Variants in TESK2 observed in about 807,000 individuals in gnomAD.
TESK2 encodes testis associated actin remodelling kinase 2.
In TESK2, 39 loss-of-function variants were observed where a neutral mutation model predicts 57.1. The observed-to-expected ratio is 0.68, with a 90% CI of 0.53 to 0.89. The LOEUF (loss-of-function observed/expected upper bound fraction) is 0.89. TESK2 is among the 40% of genes least tolerant of loss of function. The pLI, the probability that TESK2 is intolerant of heterozygous loss-of-function variation, is 0.00. For synonymous variants in TESK2, 249 were observed against 267.9 expected, an observed-to-expected ratio of 0.93 and a Z score of 0.69; for missense variants, 646 against 732.1, an observed-to-expected ratio of 0.88 and a Z score of 1.36.
chr1:45,441,284 C>T (rs1208773727), intron 2 of TESK2, among the ~76,000 whole-genome samples: 1 of 152,146 alleles, frequency 6.6e-6, no homozygotes, highest in Non-Finnish European at 1.5e-5. Flanking sequence ...AATTCTCCTG[C>T]CTCAGCATCC....
chr1:45,418,890 T>C (rs1173437588), intron 3 of TESK2, among the ~76,000 whole-genome samples: 1 of 151,966 alleles, frequency 6.6e-6, no homozygotes, highest in Non-Finnish European at 1.5e-5. Flanking sequence ...CATAAGCAGA[T>C]ATACTTACTA....
At chr1:45,478,784 C>T (rs776054587) in intron 1 of TESK2, among the ~76,000 whole-genome samples, 115 of 151,280 alleles carry the variant, frequency 7.6e-4, no homozygotes, top group Non-Finnish European at 1.4e-3. Flanking sequence ...AGAGCAGTGG[C>T]ACAATCTCAG....
intron 4 of TESK2, 46 bp downstream of exon 4, chr1:45,385,866 T>G (rs757327988): frequency 1.4e-6 from 2 of 1,452,816 alleles, no homozygotes; most frequent in Non-Finnish European, 1.9e-6. Context: ...CTATAAATGC[T>G]GAAACTAAGG....
chr1:45,482,806 C>A (rs191658788), intron 1 of TESK2, among the ~76,000 whole-genome samples: 2 of 151,768 alleles, frequency 1.3e-5, no homozygotes, highest in Non-Finnish European at 2.9e-5. Context: ...ATGGTGAAAC[C>A]CTGTCTCTAC....
chr1:45,445,139 C>T (rs887021304), intron 2 of TESK2, among the ~76,000 whole-genome samples: 4 of 152,186 alleles, frequency 2.6e-5, no homozygotes, highest in Admixed American at 1.3e-4. Flanking sequence ...TTGTGACACC[C>T]CCAACCACCA....
At chr1:45,435,321 G>T (rs569629288) in intron 2 of TESK2, among the ~76,000 whole-genome samples, 1 of 151,862 alleles carries the variant, frequency 6.6e-6, no homozygotes, top group African/African-American at 2.4e-5. Context: ...CAGAGACAGG[G>T]TTTCACCACG....
chr1:45,420,869 T>C (rs1557566111), intron 3 of TESK2, among the ~76,000 whole-genome samples: 1 of 152,170 alleles, frequency 6.6e-6, no homozygotes, highest in Non-Finnish European at 1.5e-5. Flanking sequence ...ATTACAGGCG[T>C]GAGCCATCGC....
intron 2 of TESK2, among the ~76,000 whole-genome samples, chr1:45,435,994 T>A (rs1651191593): frequency 1.3e-5 from 2 of 151,940 alleles, no homozygotes; most frequent in African/African-American, 4.8e-5. Context: ...ATGTGTCTGA[T>A]TTATACAAAT....
chr1:45,470,341 T>A (rs937593715), intron 1 of TESK2, among the ~76,000 whole-genome samples: 5 of 152,188 alleles, frequency 3.3e-5, no homozygotes. Flanking sequence ...ATTCTTTCTA[T>A]GGACCAACAC....
chr1:45,371,847 G>A (rs1387789230), intron 4 of TESK2, among the ~76,000 whole-genome samples: 1 of 152,170 alleles, frequency 6.6e-6, no homozygotes, highest in Non-Finnish European at 1.5e-5. Context: ...CAGCCTGGGT[G>A]ACAGCGAGAT....
At chr1:45,458,782 T>TG (rs1475305510) in intron 1 of TESK2, among the ~76,000 whole-genome samples, 1 of 152,124 alleles carries the variant, frequency 6.6e-6, no homozygotes, top group Non-Finnish European at 1.5e-5. Flanking sequence ...AATTCACTGT[T>TG]GATGAAAAAG....
chr1:45,459,029 C>G (rs1043701740), intron 1 of TESK2, among the ~76,000 whole-genome samples: 1 of 152,218 alleles, frequency 6.6e-6, no homozygotes, highest in Non-Finnish European at 1.5e-5. Context: ...CTAACCAGCT[C>G]TGCAACTCAG....
intron 2 of TESK2, among the ~76,000 whole-genome samples, chr1:45,453,375 A>C (rs1651954810): frequency 6.6e-6 from 1 of 150,800 alleles, no homozygotes; most frequent in Non-Finnish European, 1.5e-5. Context: ...AGAGAGAGAG[A>C]GATAAACCCT....
chr1:45,345,172 C>G lies in TESK2; in HGVS notation c.1384G>C (p.Glu462Gln). ...RRWRSLPGSPEFLHQEACPFV... is the reference protein window; with the variant it reads ...RRWRSLPGSPQFLHQEACPFV... The stretch of plus-strand genomic sequence containing the variant: ...GGACAAGCCTCTTGATGCAAGAACT[C>G]AGGCGAACCAGGCAAGGAACGCCAC... The change falls in exon 11 of 11, where the codon GAG becomes CAG. Residue 462 changes from glutamate (E) to glutamine (Q), a missense_variant. Coordinates refer to ENST00000372086, the MANE Select transcript of TESK2 (RefSeq NM_007170.3). 1 of 1,614,226 alleles carries G rather than the reference C, an allele frequency of 6.2e-7. No individual in the cohort carries two copies. The highest frequency in any genetic ancestry group is 8.5e-7 in the Non-Finnish European group (1 of 1,180,040).
At chr1:45,428,604 G>A (rs1209193607) in intron 2 of TESK2, among the ~76,000 whole-genome samples, 1 of 151,930 alleles carries the variant, frequency 6.6e-6, no homozygotes, top group Admixed American at 6.6e-5. Context: ...CTGAGATCAA[G>A]CAATCCTCCC....
chr1:45,467,926 A>G (rs1652619461), intron 1 of TESK2, among the ~76,000 whole-genome samples: 1 of 152,084 alleles, frequency 6.6e-6, no homozygotes, highest in Non-Finnish European at 1.5e-5. Context: ...TAATCCCCCA[A>G]CAATTTTAGA....
intron 3 of TESK2, among the ~76,000 whole-genome samples, chr1:45,386,811 G>A (rs1451516664): frequency 4.6e-5 from 7 of 151,918 alleles, no homozygotes; most frequent in Admixed American, 3.3e-4. Context: ...GCGCCACCAC[G>A]CCCAGCTAAT....
chr1:45,454,372 G>A (rs1651989420), intron 2 of TESK2, among the ~76,000 whole-genome samples: 1 of 151,990 alleles, frequency 6.6e-6, no homozygotes, highest in Non-Finnish European at 1.5e-5. Context: ...TGTTAAGTAT[G>A]TACTTAACAT....
At chr1:45,416,361 A>G (rs972314843) in intron 3 of TESK2, among the ~76,000 whole-genome samples, 1 of 151,998 alleles carries the variant, frequency 6.6e-6, no homozygotes, top group African/African-American at 2.4e-5. Flanking sequence ...CTGGTCTTGA[A>G]CTTGTGAGCT....
Sources: gnomAD v4.1 joint callset for allele counts (sites outside exome capture counted in the v4.1 genomes callset) on GRCh38, gnomAD v4.1.1 for gene constraint, MANE v1.5 for transcripts, NCBI Gene and HGNC (gene_info 2026-07-23, HGNC 2026-07-21) for gene names.